MUC12: variants seen among roughly 807,000 people sequenced by gnomAD.
MUC12 encodes mucin-12.
In MUC12, 172 loss-of-function variants were observed where a neutral mutation model predicts 230.8. The observed-to-expected ratio is 0.75, with a 90% CI of 0.66 to 0.85. MUC12 has a LOEUF of 0.85. Among genes scored for constraint, MUC12 ranks in the 40% least tolerant of loss-of-function variants. MUC12 has a pLI of 0.00. For synonymous variants in MUC12, 1,259 were observed against 2,401.9 expected, an observed-to-expected ratio of 0.52 and a Z score of 13.91; for missense variants, 3,506 against 5,920.6, an observed-to-expected ratio of 0.59 and a Z score of 13.38.
At position 101,005,170 on chromosome 7, in the gene MUC12, C is replaced by G; in HGVS notation, c.14607C>G (p.Asn4869Lys). 1 of 1,537,734 alleles carries G rather than the reference C, an allele frequency of 6.5e-7. No individual in the cohort carries two copies. The stretch of plus-strand genomic sequence containing the variant: ...AAACCACAGCGTTTTCTCACAGCAA[C>G]ACAATGTCCATTCATAGTCAACAAT... The part of the protein sequence containing the change: ...STETTAFSHS[N>K]TMSIHSQQST... Residue 4869 changes from asparagine (N) to lysine (K), a missense_variant, in exon 2 of 12, where the codon AAC becomes AAG. Coordinates refer to ENST00000536621, the MANE Select transcript of MUC12 (RefSeq NM_001164462.2).
At chr7:101,012,717 G>A in intron 6 of MUC12, 102 bp from the exon 7 acceptor site, 2 of 1,334,832 alleles carry the variant, frequency 1.5e-6, no homozygotes, top group East Asian at 2.5e-5. Flanking sequence ...ACGGGCATTG[G>A]CCCAGGGGAG....
chr7:100,969,791 T>C, intron 1 of MUC12, 102 bp downstream of exon 1: 4 of 1,482,312 alleles, frequency 2.7e-6, no homozygotes, highest in Non-Finnish European at 3.6e-6. Context: ...TCCTCCCCTT[T>C]GCATGGCAAG....
chr7:101,010,716 C>T lies in MUC12; in HGVS notation c.15251+1557C>T, dbSNP rs916625235. Among the ~76,000 whole-genome samples the T allele has an allele frequency of 2.0e-5, 3 of 152,120 alleles. 1 individual carries two copies. Among genetic ancestry groups the T allele is most frequent in the Admixed American group, 2.0e-4 (3 of 15,262 alleles). Reference sequence around the variant, plus strand: ...TTTTAGTAGAGACAGGGTTTCACCACGTTGGCCAGGCTGGTCTCGAACTCC... The same window carrying T: ...TTTTAGTAGAGACAGGGTTTCACCATGTTGGCCAGGCTGGTCTCGAACTCC... On this transcript the variant is annotated intron_variant, in intron 5 of 11. Transcript: ENST00000536621.
intron 10 of MUC12, among the ~76,000 whole-genome samples, chr7:101,016,462 C>T (rs952124789): frequency 9.2e-5 from 14 of 152,092 alleles, no homozygotes; most frequent in South Asian, 8.3e-4. Flanking sequence ...CATGCCACCA[C>T]GCGTGGCTAA....
At chr7:101,014,762 G>A (rs2116362723) in intron 9 of MUC12, among the ~76,000 whole-genome samples, 1 of 150,984 alleles carries the variant, frequency 6.6e-6, no homozygotes, top group South Asian at 2.1e-4. Flanking sequence ...ACAGGTGTGA[G>A]CCACCGTGCC....
chr7:100,991,122 C>G lies in MUC12; in HGVS notation c.559C>G (p.Pro187Ala), dbSNP rs199521685. 10 of 1,537,752 alleles carry G rather than the reference C, an allele frequency of 6.5e-6. No individual in the cohort carries two copies. The highest frequency in any genetic ancestry group is 8.7e-6 in the Non-Finnish European group (10 of 1,147,026). Residue 187 changes from proline (P) to alanine (A), a missense_variant, in exon 2 of 12, where the codon CCA (proline) becomes GCA (alanine). Pro to Ala is a conservative substitution (Grantham distance 27). Coordinates refer to ENST00000536621, the MANE Select transcript of MUC12 (RefSeq NM_001164462.2). ...TIAFPDSTTM[P>A]GVSQESTASH... is the part of the protein sequence containing the mutation. ...AGCGTTCCCTGACAGTACCACCATG[C>G]CAGGCGTCAGTCAGGAATCTACAGC...
At position 100,971,577 on chromosome 7, in the gene MUC12, G is replaced by A. The variant is rs192321897; in HGVS notation, c.67+1888G>A. Among the ~76,000 whole-genome samples the A allele has an allele frequency of 3.9e-4, 60 of 152,400 alleles. No individual in the cohort carries two copies. The East Asian group carries it at 8.9e-3, about 23-fold the overall frequency. On this transcript the variant is annotated intron_variant, in intron 1 of 11. Coordinates refer to ENST00000536621, the MANE Select transcript of MUC12 (RefSeq NM_001164462.2). ...ACCTCCTTTACCCCCACCCGGACAT[G>A]TTGGGAGAGAGGTACAGGCAGGGAG...
At chr7:101,014,262 T>A (rs958765623) in intron 9 of MUC12, 188 bp downstream of exon 9, 1 of 531,582 alleles carries the variant, frequency 1.9e-6, no homozygotes, top group Non-Finnish European at 3.2e-6. Flanking sequence ...GTAGGATACA[T>A]CAATTTGGCA....
chr7:101,011,364 C>A (rs1793837947), intron 5 of MUC12, among the ~76,000 whole-genome samples: 1 of 152,090 alleles, frequency 6.6e-6, no homozygotes, highest in South Asian at 2.1e-4. Context: ...CAAGATCTCT[C>A]CCCCCAGCTG....
intron 2 of MUC12, among the ~76,000 whole-genome samples, chr7:101,006,165 A>G (rs775543900): frequency 1.6e-4 from 25 of 151,978 alleles, no homozygotes; most frequent in African/African-American, 2.7e-4. Context: ...TCACATTTCC[A>G]ACTCTTTCTC....
At chr7:101,008,251 C>A (rs569473524) in intron 3 of MUC12, among the ~76,000 whole-genome samples, 2 of 152,084 alleles carry the variant, frequency 1.3e-5, no homozygotes, top group Admixed American at 6.5e-5. Flanking sequence ...CTCAGCCTTC[C>A]GAGTAGCTGG....
chr7:101,013,102 C>T lies in MUC12; in HGVS notation c.15598C>T (p.Leu5200=), dbSNP rs1793862119. The stretch of plus-strand genomic sequence containing the variant: ...AACGAAGTCGCAAATGAACTGTAAC[C>T]TGGGCACATGTCAGCTGCAACGCAG... ...KGTKSQMNCN[L]GTCQLQRSGP... Residue 5200 remains leucine, a synonymous_variant, in exon 8 of 12, where the codon CTG becomes TTG. Coordinates refer to ENST00000536621, the MANE Select transcript of MUC12 (RefSeq NM_001164462.2). 6.5e-7 allele frequency: 1 copy of T among 1,537,200 alleles called. No individual in the cohort carries two copies. Among genetic ancestry groups the T allele is most frequent in the Non-Finnish European group, 8.7e-7 (1 of 1,146,938 alleles).
intron 1 of MUC12, among the ~76,000 whole-genome samples, chr7:100,989,205 T>C (rs1793241498): frequency 6.7e-6 from 1 of 150,290 alleles, no homozygotes; most frequent in Admixed American, 6.7e-5. Context: ...GCCTCCTGGG[T>C]TCAAGTGATT....
intron 5 of MUC12, among the ~76,000 whole-genome samples, chr7:101,009,456 A>T (rs535875461): frequency 6.6e-6 from 1 of 152,264 alleles, no homozygotes; most frequent in African/African-American, 2.4e-5. Context: ...GTCTGCTTAG[A>T]GTTTCAGTAA....
At chr7:100,972,293 T>C (rs1288675402) in intron 1 of MUC12, 2 of 692,552 alleles carry the variant, frequency 2.9e-6, no homozygotes, top group Non-Finnish European at 2.6e-6. Context: ...TGACAGTGGA[T>C]TTGTGTCCTG....
At chr7:101,016,501 G>C (rs775904373) in intron 10 of MUC12, among the ~76,000 whole-genome samples, 9 of 152,174 alleles carry the variant, frequency 5.9e-5, no homozygotes, top group Non-Finnish European at 1.2e-4. Flanking sequence ...AGACTGTAGA[G>C]ACAGGGTTTC....
chr7:100,992,538 A>G lies in MUC12; in HGVS notation c.1975A>G (p.Thr659Ala). The G allele has an allele frequency of 1.3e-6, 2 of 1,538,006 alleles. No individual in the cohort carries two copies. The highest frequency in any genetic ancestry group is 2.4e-5 in the South Asian group (2 of 84,070). Residue 659 changes from threonine (T) to alanine (A), a missense_variant, in exon 2 of 12, where the codon ACA (threonine) becomes GCA (alanine). Transcript: ENST00000536621. ...CACATCAGCCTTTGTTGAGCCATCT[A>G]CAACCTCCCACGGCAGCCCGAGCTC... The part of the protein sequence containing the change: ...TTTSAFVEPS[T>A]TSHGSPSSIP...
intron 1 of MUC12, among the ~76,000 whole-genome samples, chr7:100,989,157 G>C (rs1305118233): frequency 6.9e-6 from 1 of 145,290 alleles, no homozygotes; most frequent in Non-Finnish European, 1.5e-5. Context: ...CTGGAGTGCA[G>C]TGGTGCGATC....
chr7:100,978,888 C>A (rs1263683384), intron 1 of MUC12, among the ~76,000 whole-genome samples: 1 of 152,252 alleles, frequency 6.6e-6, no homozygotes, highest in Non-Finnish European at 1.5e-5. Flanking sequence ...TAGCTCACTG[C>A]AGCCTTGACC....
Sources: gnomAD v4.1 joint callset for allele counts (sites outside exome capture counted in the v4.1 genomes callset) on GRCh38, gnomAD v4.1.1 for gene constraint, MANE v1.5 for transcripts, NCBI Gene and HGNC (gene_info 2026-07-23, HGNC 2026-07-21) for gene names.